The following FILIP1L variants were observed in gnomAD, a reference collection of about 807,000 sequenced individuals.
FILIP1L encodes the protein filamin A interacting protein 1 like.
Under a neutral mutation model 96.6 loss-of-function variants are expected in FILIP1L, and 55 were observed. The ratio of observed to expected loss-of-function variants is 0.57; its 90% CI spans 0.46 to 0.71. FILIP1L has a LOEUF of 0.71. Ranked by LOEUF, FILIP1L falls within the 30% of genes least tolerant of loss-of-function variation. The pLI is 0.00. For synonymous variants in FILIP1L, 467 were observed against 473.9 expected, an observed-to-expected ratio of 0.99 and a Z score of 0.19; for missense variants, 1,304 against 1,321.2, an observed-to-expected ratio of 0.99 and a Z score of 0.20.
intron 1 of FILIP1L, among the ~76,000 whole-genome samples, chr3:100,035,251 G>A (rs375221665): frequency 1.3e-5 from 2 of 152,132 alleles, no homozygotes; most frequent in African/African-American, 4.8e-5. Flanking sequence ...CATGCTGTGC[G>A]CATATTCCTC....
intron 1 of FILIP1L, among the ~76,000 whole-genome samples, chr3:100,112,139 A>C (rs767691625): frequency 6.6e-6 from 1 of 152,238 alleles, no homozygotes; most frequent in Non-Finnish European, 1.5e-5. Context: ...AAACAAACTT[A>C]CTGTGTATTG....
At chr3:100,021,054 C>A (rs2064806910) in intron 1 of FILIP1L, among the ~76,000 whole-genome samples, 1 of 152,138 alleles carries the variant, frequency 6.6e-6, no homozygotes, top group African/African-American at 2.4e-5. Flanking sequence ...CGTGAGCCAC[C>A]ACGCCTAGCC....
chr3:100,074,035 G>A (rs1406218636), intron 1 of FILIP1L, among the ~76,000 whole-genome samples: 1 of 152,104 alleles, frequency 6.6e-6, no homozygotes, highest in Non-Finnish European at 1.5e-5. Context: ...GTCTTCTACT[G>A]TTAACTGCGG....
At chr3:100,099,758 G>A (rs2066273113) in intron 1 of FILIP1L, among the ~76,000 whole-genome samples, 1 of 152,166 alleles carries the variant, frequency 6.6e-6, no homozygotes, top group African/African-American at 2.4e-5. Flanking sequence ...CATAAGATAT[G>A]TTCTGTAGCA....
intron 1 of FILIP1L, among the ~76,000 whole-genome samples, chr3:99,968,613 A>G (rs975079087): frequency 2.6e-5 from 4 of 152,220 alleles, no homozygotes; most frequent in Admixed American, 6.5e-5. Context: ...AATATATAGA[A>G]TGAACAAATT....
At chr3:100,052,587 G>A (rs1423020449) in intron 1 of FILIP1L, among the ~76,000 whole-genome samples, 4 of 152,196 alleles carry the variant, frequency 2.6e-5, no homozygotes, top group Non-Finnish European at 4.4e-5. Flanking sequence ...TTCAATGCTA[G>A]TATAGGAAAG....
chr3:100,082,756 G>C (rs2065951503), intron 1 of FILIP1L, among the ~76,000 whole-genome samples: 1 of 152,088 alleles, frequency 6.6e-6, no homozygotes, highest in Admixed American at 6.6e-5. Context: ...ACATGTTTCT[G>C]TTTCTGTGAG....
intron 1 of FILIP1L, among the ~76,000 whole-genome samples, chr3:100,078,281 C>T (rs1433871834): frequency 6.6e-6 from 1 of 152,124 alleles, no homozygotes; most frequent in Non-Finnish European, 1.5e-5. Context: ...TAGAAATGCA[C>T]CCTTGCATTT....
chr3:100,001,398 G>A (rs1003886963), intron 1 of FILIP1L, among the ~76,000 whole-genome samples: 25 of 152,180 alleles, frequency 1.6e-4, no homozygotes, highest in African/African-American at 5.3e-4. Context: ...TTACTATCTG[G>A]CTTTTTAGGG....
intron 4 of FILIP1L, among the ~76,000 whole-genome samples, chr3:99,879,592 AG>A (rs1705651785): frequency 6.6e-6 from 1 of 152,182 alleles, no homozygotes; most frequent in Non-Finnish European, 1.5e-5. Context: ...TAAGTGCCAA[AG>A]AAGCAGTAAT....
chr3:100,007,264 T>C (rs1340458926), intron 1 of FILIP1L, among the ~76,000 whole-genome samples: 2 of 152,222 alleles, frequency 1.3e-5, no homozygotes, highest in Non-Finnish European at 2.9e-5. Context: ...ATACTCTTTT[T>C]AGCTTTTATT....
At position 99,849,598 on chromosome 3, in the gene FILIP1L, G is replaced by T; in HGVS notation, c.2078C>A (p.Thr693Lys). The T allele has an allele frequency of 6.2e-7, 1 of 1,613,398 alleles. No homozygotes were observed. Residue 693 changes from threonine (T) to lysine (K), a missense_variant, in exon 5 of 6, where the codon ACA becomes AAA. Coordinates refer to ENST00000477258, the MANE Select transcript of FILIP1L (RefSeq NM_001387850.1). ...ELAKYKLAEK[T>K]ETSHEQWLFK... is the part of the protein sequence containing the mutation. ...AAGCCATTGTTCATGGCTGGTCTCTGTCTTTTCTGCTAACTTGTACTTAGC... is the reference window on the plus strand; with the variant it reads ...AAGCCATTGTTCATGGCTGGTCTCTTTCTTTTCTGCTAACTTGTACTTAGC...
intron 1 of FILIP1L, among the ~76,000 whole-genome samples, chr3:100,065,334 A>G (rs1050557483): frequency 4.6e-5 from 7 of 152,164 alleles, no homozygotes; most frequent in African/African-American, 1.7e-4. Context: ...TCTCAGGCCA[A>G]TCTAACCTTC....
At chr3:99,967,519 C>T (rs1415973848) in intron 1 of FILIP1L, among the ~76,000 whole-genome samples, 1 of 152,072 alleles carries the variant, frequency 6.6e-6, no homozygotes, top group Non-Finnish European at 1.5e-5. Context: ...ACTAAGAGTC[C>T]CCTCCTGGCT....
chr3:100,077,379 T>G (rs887145770), intron 1 of FILIP1L, among the ~76,000 whole-genome samples: 8 of 152,168 alleles, frequency 5.3e-5, no homozygotes, highest in Non-Finnish European at 8.8e-5. Flanking sequence ...TCACTGAGAG[T>G]GTTTCAGGAC....
At chr3:99,854,343 G>A (rs1004670240) in intron 4 of FILIP1L, among the ~76,000 whole-genome samples, 1 of 152,036 alleles carries the variant, frequency 6.6e-6, no homozygotes, top group Non-Finnish European at 1.5e-5. Context: ...ATGAACTCTC[G>A]GTTTGCTAGC....
At chr3:100,016,110 G>A (rs1380726051) in intron 1 of FILIP1L, among the ~76,000 whole-genome samples, 5 of 152,148 alleles carry the variant, frequency 3.3e-5, no homozygotes, top group Non-Finnish European at 7.4e-5. Context: ...CTTGCAGGCC[G>A]TTTTGTGGAT....
intron 5 of FILIP1L, among the ~76,000 whole-genome samples, chr3:99,831,086 C>T (rs1942655204): frequency 6.6e-6 from 1 of 152,014 alleles, no homozygotes; most frequent in Admixed American, 6.6e-5. Context: ...GTATCAAGAG[C>T]CTTATGAATC....
In FILIP1L at chr3:99,874,761, T is replaced by C. The variant is rs1163416673; in HGVS notation, c.606-23691A>G. ...CATTTTGAGTATTTTTTAAATGCTG[T>C]GTTTCAATGATAAAATCTGGGATCT... On this transcript the variant is annotated intron_variant, in intron 4 of 5. Transcript: ENST00000477258. Among the ~76,000 whole-genome samples the C allele has an allele frequency of 4.6e-5, 7 of 152,330 alleles. No individual in the cohort carries two copies. The East Asian group carries it at 1.4e-3, about 29-fold the overall frequency.
Sources: allele counts gnomAD v4.1 joint callset (sites outside exome capture counted in the v4.1 genomes callset), GRCh38; gene constraint gnomAD v4.1.1; transcripts MANE v1.5; gene names NCBI Gene and HGNC (gene_info 2026-07-23, HGNC 2026-07-21).